The following IMPG1 variants were observed in gnomAD, a reference collection of about 807,000 sequenced individuals.
The protein encoded by IMPG1 is interphotoreceptor matrix proteoglycan of 150 kDa.
Under a neutral mutation model 92.0 loss-of-function variants are expected in IMPG1, and 85 were observed. The ratio of observed to expected loss-of-function variants is 0.92; its 90% CI spans 0.78 to 1.11. The LOEUF (loss-of-function observed/expected upper bound fraction) is 1.11. Ranked by LOEUF, IMPG1 falls within the 50% of genes least tolerant of loss-of-function variation. IMPG1 has a pLI of 0.00. For synonymous variants in IMPG1, 367 were observed against 334.1 expected (o/e 1.10, Z -1.08); for missense variants, 1,022 against 956.0 (o/e 1.07, Z -0.91).
At chr6:76,022,342 G>A (rs1783447445) in intron 5 of IMPG1, 123 bp from the exon 6 acceptor site, 1 of 475,180 alleles carries the variant, frequency 2.1e-6, no homozygotes, top group Non-Finnish European at 4.0e-6. Flanking sequence ...GGTGCCTTCT[G>A]AACTCATCTT....
Position 76,034,054 on chromosome 6 carries a change from A to G in IMPG1, c.497+261T>C, listed in dbSNP as rs574460107. ...TCTTATAAGTGAAGGTGCACATTAG[A>G]TACATATCACATAGCAATAAATTCA... On this transcript the variant is annotated intron_variant, in intron 4 of 16. Transcript: ENST00000369950. 2.0e-5 allele frequency among the ~76,000 whole-genome samples: 3 copies of G among 152,342 alleles called. No homozygotes were observed. In the South Asian group the frequency reaches 6.2e-4, roughly 32 times the overall value.
chr6:75,974,794 G>T (rs913979550), intron 12 of IMPG1, among the ~76,000 whole-genome samples: 17 of 152,088 alleles, frequency 1.1e-4, no homozygotes, highest in African/African-American at 4.1e-4. Context: ...GGGACTGCAG[G>T]CATGAGCCAC....
At chr6:75,951,879 T>C (rs988858836) in intron 12 of IMPG1, among the ~76,000 whole-genome samples, 1 of 152,018 alleles carries the variant, frequency 6.6e-6, no homozygotes, top group African/African-American at 2.4e-5. Context: ...GAGGCAGAGA[T>C]AGCAGTGAGC....
chr6:75,951,636 A>T (rs1782033437), intron 12 of IMPG1, among the ~76,000 whole-genome samples: 1 of 152,164 alleles, frequency 6.6e-6, no homozygotes, highest in Non-Finnish European at 1.5e-5. Flanking sequence ...TTACCACTTG[A>T]AATTTAAATT....
intron 12 of IMPG1, among the ~76,000 whole-genome samples, chr6:75,971,533 C>G (rs1274373421): frequency 6.6e-6 from 1 of 152,156 alleles, no homozygotes; most frequent in African/African-American, 2.4e-5. Context: ...ACAGTTAACT[C>G]TTAGTAGTTC....
chr6:76,023,383 A>T (rs1783467698), intron 5 of IMPG1, among the ~76,000 whole-genome samples: 1 of 152,250 alleles, frequency 6.6e-6, no homozygotes, highest in Admixed American at 6.5e-5. Flanking sequence ...ACAATAAAAA[A>T]GTACTTAGCT....
chr6:75,962,409 A>G (rs557126466), intron 12 of IMPG1, among the ~76,000 whole-genome samples: 1 of 152,062 alleles, frequency 6.6e-6, no homozygotes, highest in Non-Finnish European at 1.5e-5. Flanking sequence ...GACATGACCC[A>G]TCATGTCCAG....
intron 1 of IMPG1, among the ~76,000 whole-genome samples, chr6:76,065,155 ACT>A (rs1784288259): frequency 6.6e-6 from 1 of 152,068 alleles, no homozygotes; most frequent in African/African-American, 2.4e-5. Flanking sequence ...ATAAGAAGAA[ACT>A]CTGTGAAACT....
chr6:76,048,074 T>C (rs1235808720), intron 1 of IMPG1, among the ~76,000 whole-genome samples: 1 of 152,144 alleles, frequency 6.6e-6, no homozygotes, highest in African/African-American at 2.4e-5. Flanking sequence ...AGGAAGACTA[T>C]CATTATTACC....
intron 1 of IMPG1, among the ~76,000 whole-genome samples, chr6:76,050,796 T>G (rs772335985): frequency 7.2e-5 from 11 of 152,330 alleles, no homozygotes; most frequent in Non-Finnish European, 1.5e-4. Flanking sequence ...GAGGAAATTT[T>G]TTTTAGCTAT....
chr6:76,022,228 A>G lies in IMPG1; in HGVS notation c.563-9T>C, dbSNP rs1213184187. The G allele has an allele frequency of 6.6e-7, 1 of 1,517,038 alleles. No homozygotes were observed. The highest frequency in any genetic ancestry group is 9.1e-7 in the Non-Finnish European group (1 of 1,101,272). 94.0% of individuals were successfully genotyped at this position (1,517,038 alleles called of 1,614,324 possible). A position where few individuals can be genotyped will look rare whatever the true frequency, so the allele number is the denominator to read the frequency against. The stretch of plus-strand genomic sequence containing the variant: ...TGAGACGTTGGCAACATCTGTGAAA[A>G]TTTTAAAAATTAAAGACACAAAAAT... On this transcript the variant is annotated splice_polypyrimidine_tract_variant and intron_variant, in intron 5 of 16. Coordinates refer to ENST00000369950, the MANE Select transcript of IMPG1 (RefSeq NM_001563.4).
chr6:75,965,283 G>A (rs1288720975), intron 12 of IMPG1, among the ~76,000 whole-genome samples: 3 of 152,146 alleles, frequency 2.0e-5, no homozygotes, highest in Non-Finnish European at 4.4e-5. Flanking sequence ...ATTTTACAGA[G>A]AGGCTGTACT....
chr6:75,951,222 C>T lies in IMPG1; in HGVS notation c.1292-128G>A, dbSNP rs1045831981. Reference sequence around the variant, plus strand: ...CATTTGCGTAGATCATTTCAATAGTCATTTTTTTTTTTTTAAAGAAGAGAA... The same window carrying T: ...CATTTGCGTAGATCATTTCAATAGTTATTTTTTTTTTTTTAAAGAAGAGAA... On this transcript the variant is annotated intron_variant, in intron 12 of 16. Transcript: ENST00000369950. The T allele has an allele frequency of 1.7e-5, 11 of 646,842 alleles. No individual in the cohort carries two copies. In the African/African-American group the frequency reaches 2.1e-4, roughly 12 times the overall value. The allele number at this position is 646,842 out of a possible 1,614,324, so 40.1% of individuals were successfully genotyped here. A position where few individuals can be genotyped will look rare whatever the true frequency, so the allele number is the denominator to read the frequency against.
At chr6:76,067,711 C>T (rs1413508568) in intron 1 of IMPG1, among the ~76,000 whole-genome samples, 2 of 151,976 alleles carry the variant, frequency 1.3e-5, no homozygotes, top group African/African-American at 4.8e-5. Context: ...ACCCTGATAC[C>T]AAAGCCAGGC....
chr6:75,936,853 C>T (rs1287260830), intron 14 of IMPG1, among the ~76,000 whole-genome samples: 1 of 152,116 alleles, frequency 6.6e-6, no homozygotes, highest in Non-Finnish European at 1.5e-5. Flanking sequence ...GGGCTAAGCC[C>T]GGACTTGTGT....
At chr6:76,039,869 C>T (rs1347576570) in intron 2 of IMPG1, among the ~76,000 whole-genome samples, 1 of 152,190 alleles carries the variant, frequency 6.6e-6, no homozygotes, top group Non-Finnish European at 1.5e-5. Flanking sequence ...CCACAAAGCT[C>T]AGAACATTTC....
At chr6:76,033,391 G>A (rs1783684386) in intron 4 of IMPG1, among the ~76,000 whole-genome samples, 2 of 152,204 alleles carry the variant, frequency 1.3e-5, no homozygotes, top group African/African-American at 2.4e-5. Flanking sequence ...AAAAGGTTGG[G>A]AGTGGATATT....
chr6:75,923,836 T>G (rs539001532), intron 15 of IMPG1, 130 bp from the exon 16 acceptor site: 1 of 580,472 alleles, frequency 1.7e-6, no homozygotes, highest in East Asian at 3.1e-5. Context: ...TTTGCAGGTG[T>G]CTTCCGTTTG....
chr6:75,990,226 A>G (rs891348180), intron 12 of IMPG1, among the ~76,000 whole-genome samples: 4 of 152,206 alleles, frequency 2.6e-5, no homozygotes, highest in Admixed American at 2.6e-4. Flanking sequence ...TTGTTCCAGC[A>G]TTTCAAATTG....
Sources: allele counts gnomAD v4.1 joint callset (sites outside exome capture counted in the v4.1 genomes callset), GRCh38; gene constraint gnomAD v4.1.1; transcripts MANE v1.5; gene names NCBI Gene and HGNC (gene_info 2026-07-23, HGNC 2026-07-21).